Variants in THSD4 observed in about 807,000 individuals in gnomAD.
THSD4 encodes the protein thrombospondin type 1 domain containing 4.
A neutral mutation model predicts 119.0 loss-of-function variants in THSD4; 69 were observed. The observed-to-expected ratio is 0.58, with a 90% CI of 0.48 to 0.71. THSD4 has a LOEUF of 0.71. Among genes scored for constraint, THSD4 ranks in the 30% least tolerant of loss-of-function variants. The probability of loss-of-function intolerance (pLI) is 0.00; values close to 1 mark genes in which losing one functional copy is unlikely to be tolerated. For missense variants in THSD4, 1,393 were observed against 1,391.1 expected (o/e 1.00, Z -0.02); for synonymous variants, 524 against 540.4 (o/e 0.97, Z 0.42).
chr15:71,280,056 C>T (rs1391708726), intron 6 of THSD4, among the ~76,000 whole-genome samples: 1 of 152,202 alleles, frequency 6.6e-6, no homozygotes, highest in Non-Finnish European at 1.5e-5. Flanking sequence ...TGGGTGCCTG[C>T]TGTATGCTTA....
At chr15:71,767,594 A>G (rs566485860) in intron 16 of THSD4, 1 of 152,370 alleles carries the variant, frequency 6.6e-6, no homozygotes, top group Admixed American at 6.5e-5. Flanking sequence ...AAGTAGATAC[A>G]GATACAAGAT....
chr15:71,194,139 G>A (rs1299810182), intron 3 of THSD4, among the ~76,000 whole-genome samples: 1 of 152,200 alleles, frequency 6.6e-6, no homozygotes, highest in African/African-American at 2.4e-5. Context: ...ACGTGGTACT[G>A]TGAGTCTGTT....
At chr15:71,346,104 G>A (rs375783043) in intron 6 of THSD4, among the ~76,000 whole-genome samples, 2 of 123,448 alleles carry the variant, frequency 1.6e-5, no homozygotes, top group Admixed American at 8.4e-5. Context: ...AGAATCACAC[G>A]CTGTATTTAG....
intron 7 of THSD4, among the ~76,000 whole-genome samples, chr15:71,486,218 C>T (rs75960816): frequency 0.03 from 4,610 of 152,178 alleles, 209 homozygotes; most frequent in African/African-American, 0.1. Flanking sequence ...TCAAACCTTC[C>T]TCGATCCTCT....
intron 9 of THSD4, 200 bp downstream of exon 9, chr15:71,728,924 C>T: frequency 1.6e-6 from 1 of 631,976 alleles, no homozygotes; most frequent in South Asian, 2.0e-5. Flanking sequence ...ACAGCAACCT[C>T]CAACTCCACC....
chr15:71,248,355 C>T (rs949768075), intron 5 of THSD4, among the ~76,000 whole-genome samples: 1 of 152,158 alleles, frequency 6.6e-6, no homozygotes, highest in African/African-American at 2.4e-5. Flanking sequence ...CCCACTTTCT[C>T]TTAGGGACTC....
chr15:71,142,518 TA>T (rs1319538074), intron 2 of THSD4, among the ~76,000 whole-genome samples: 1 of 152,178 alleles, frequency 6.6e-6, no homozygotes, highest in Non-Finnish European at 1.5e-5. Context: ...AGTTTAAATT[TA>T]TAATATTTAT....
rs58309087 is a variant in THSD4 at position 71,682,855 on chromosome 15, A to ACTTTCTTTCTTTCTTTCTTTCTTT, written c.1357+22153_1357+22176dup. Among the ~76,000 whole-genome samples, 3 of 108,926 alleles carry ACTTTCTTTCTTTCTTTCTTTCTTT rather than the reference A, an allele frequency of 2.8e-5. 1 individual carries two copies. The highest frequency in any genetic ancestry group is 1.1e-4 in the African/African-American group (3 of 27,076). The allele number at this position is 108,926 out of a possible 152,430, so 71.5% of individuals were successfully genotyped here. On this transcript the variant is annotated intron_variant, in intron 8 of 17. Transcript: ENST00000261862. ...CATGGCAATTCTTCCCTCTTTTGCTACTTTCTTTCTTTCTTTCTTTCTTTC... is the reference window on the plus strand; with the variant it reads ...CATGGCAATTCTTCCCTCTTTTGCTACTTTCTTTCTTTCTTTCTTTCTTTCTTTCTTTCTTTCTTTCTTTCTTTC...
intron 7 of THSD4, among the ~76,000 whole-genome samples, chr15:71,657,566 A>G (rs1423623564): frequency 6.6e-6 from 1 of 152,212 alleles, no homozygotes; most frequent in Non-Finnish European, 1.5e-5. Context: ...TGGTAACTCC[A>G]TGGGAACTCA....
Position 71,243,781 on chromosome 15 carries a change from C to CTT in THSD4, c.912+705_912+706dup, listed in dbSNP as rs34842560. Among the ~76,000 whole-genome samples, 854 of 104,910 alleles carry CTT rather than the reference C, an allele frequency of 8.1e-3. 35 individuals are homozygous for CTT. The highest frequency in any genetic ancestry group is 0.011 in the Admixed American group (90 of 8,084). 68.8% of individuals were successfully genotyped at this position (104,910 alleles called of 152,430 possible). A position where few individuals can be genotyped will look rare whatever the true frequency, so the allele number is the denominator to read the frequency against. ...CATAAGCCAGGCCTTGTGCTCAGCA[C>CTT]TTTTTTTTTTTTTTTTTTTTTGAGA... On this transcript the variant is annotated intron_variant, in intron 5 of 17. Transcript: ENST00000261862.
intron 6 of THSD4, among the ~76,000 whole-genome samples, chr15:71,263,404 T>A (rs1156698101): frequency 6.6e-6 from 1 of 151,672 alleles, no homozygotes; most frequent in African/African-American, 2.4e-5. Context: ...TTCCATGTCT[T>A]TACTATTGTG....
intron 3 of THSD4, among the ~76,000 whole-genome samples, chr15:71,197,568 C>G (rs1216299220): frequency 6.6e-6 from 1 of 152,164 alleles, no homozygotes; most frequent in Admixed American, 6.5e-5. Context: ...CATTTGTCAT[C>G]GTGGGAAAGC....
At chr15:71,162,613 T>C (rs919793274) in intron 3 of THSD4, among the ~76,000 whole-genome samples, 2 of 152,054 alleles carry the variant, frequency 1.3e-5, no homozygotes, top group Non-Finnish European at 2.9e-5. Context: ...AGAGAGGTTT[T>C]TTGGGGGTTG....
chr15:71,361,961 C>T (rs2045897094), intron 6 of THSD4, among the ~76,000 whole-genome samples: 2 of 152,210 alleles, frequency 1.3e-5, no homozygotes, highest in African/African-American at 2.4e-5. Flanking sequence ...TGGAAGGAAA[C>T]ATAAGAAATT....
At chr15:71,172,913 C>G (rs116832822) in intron 3 of THSD4, among the ~76,000 whole-genome samples, 186 of 151,144 alleles carry the variant, frequency 1.2e-3, no homozygotes, top group African/African-American at 4.5e-3. Flanking sequence ...TAATAAAGAC[C>G]ATATAAGAAA....
chr15:71,271,263 A>T (rs72759662), intron 6 of THSD4, among the ~76,000 whole-genome samples: 9,754 of 152,308 alleles, frequency 0.064, 437 homozygotes, highest in South Asian at 0.13. Flanking sequence ...ATTGTGGTAC[A>T]TTCATACAAT....
At chr15:71,748,115 G>A (rs1439627588) in intron 13 of THSD4, among the ~76,000 whole-genome samples, 1 of 152,206 alleles carries the variant, frequency 6.6e-6, no homozygotes, top group Non-Finnish European at 1.5e-5. Context: ...CTTCCATCCT[G>A]TCATGGCCAG....
intron 4 of THSD4, among the ~76,000 whole-genome samples, chr15:71,236,434 T>C (rs2044106128): frequency 6.6e-6 from 1 of 152,236 alleles, no homozygotes; most frequent in African/African-American, 2.4e-5. Flanking sequence ...GACCTGTCTC[T>C]TCTCTAGGTG....
intron 7 of THSD4, among the ~76,000 whole-genome samples, chr15:71,589,113 T>G (rs550003358): frequency 1.3e-5 from 2 of 152,332 alleles, no homozygotes; most frequent in South Asian, 4.1e-4. Context: ...TAGTCATGCA[T>G]TCACTCAGCA....
Sources: allele counts gnomAD v4.1 joint callset (sites outside exome capture counted in the v4.1 genomes callset), GRCh38; gene constraint gnomAD v4.1.1; transcripts MANE v1.5; gene names NCBI Gene and HGNC (gene_info 2026-07-23, HGNC 2026-07-21).